KDM5B: variants seen among roughly 807,000 people sequenced by gnomAD.
The protein encoded by KDM5B is lysine-specific demethylase 5B.
KDM5B carries 144 observed loss-of-function variants against 193.4 expected under a neutral mutation model. The ratio of observed to expected loss-of-function variants is 0.74; its 90% CI spans 0.65 to 0.86. The LOEUF (loss-of-function observed/expected upper bound fraction) is 0.86. Among genes scored for constraint, KDM5B ranks in the 40% least tolerant of loss-of-function variants. The pLI, the probability that KDM5B is intolerant of heterozygous loss-of-function variation, is 0.00. For synonymous variants in KDM5B, 668 were observed against 682.6 expected, an observed-to-expected ratio of 0.98 and a Z score of 0.33; for missense variants, 1,833 against 1,886.9, an observed-to-expected ratio of 0.97 and a Z score of 0.53.
intron 1 of KDM5B, among the ~76,000 whole-genome samples, chr1:202,795,752 A>T (rs1208707744): frequency 6.6e-6 from 1 of 152,062 alleles, no homozygotes; most frequent in African/African-American, 2.4e-5. Flanking sequence ...AAACTAGGAA[A>T]TTTAAGTTTA....
chr1:202,773,064 A>G lies in KDM5B; in HGVS notation c.576+54T>C, dbSNP rs1010195639. 6.5e-6 allele frequency: 8 copies of G among 1,224,326 alleles called. No individual in the cohort carries two copies. In the African/African-American group the frequency reaches 7.6e-5, roughly 12 times the overall value. 75.8% of individuals were successfully genotyped at this position (1,224,326 alleles called of 1,614,324 possible). ...GGCTTTTTCATTTCCCTGAAAAGAC[A>G]ATGTACCAATAAGTAGTAAGATAAA... On this transcript the variant is annotated intron_variant, in intron 4 of 26. Coordinates refer to ENST00000367265, the MANE Select transcript of KDM5B (RefSeq NM_006618.5).
rs1307836768 is a variant in KDM5B, at chr1:202,725,864, CAT to C, written c.*3170_*3171del. ...CCGGTATGTGTCATATGGCAAGAAA[CAT>C]AGGCAAGACTGAGCCCAGAAAAACA... On this transcript the variant is annotated 3_prime_UTR_variant, in exon 27 of 27. Transcript: ENST00000367265. 6.6e-6 allele frequency: 1 copy of C among 152,200 alleles called. No individual in the cohort carries two copies. The highest frequency in any genetic ancestry group is 1.5e-5 in the Non-Finnish European group (1 of 68,044). The allele number at this position is 152,200 out of a possible 1,614,324, so 9.4% of individuals were successfully genotyped here.
chr1:202,762,591 TTATTTAAGG>T (rs1656295333), intron 7 of KDM5B, 99 bp downstream of exon 7: 1 of 701,614 alleles, frequency 1.4e-6, no homozygotes, highest in Non-Finnish European at 2.6e-6. Context: ...TTAAACAATC[TTATTTAAGG>T]TACAAATTTA....
At chr1:202,792,904 G>A (rs529291319) in intron 1 of KDM5B, among the ~76,000 whole-genome samples, 1 of 151,934 alleles carries the variant, frequency 6.6e-6, no homozygotes, top group African/African-American at 2.4e-5. Flanking sequence ...GGCTGAGGCA[G>A]GAGAATCGCT....
chr1:202,735,382 T>G (rs1655051712), intron 22 of KDM5B, 47 bp downstream of exon 22: 1 of 1,564,030 alleles, frequency 6.4e-7, no homozygotes, highest in South Asian at 1.2e-5. Context: ...GGTTAGAAAT[T>G]ATTCTTCCCA....
At chr1:202,754,010 A>T (rs1421984449) in intron 11 of KDM5B, among the ~76,000 whole-genome samples, 1 of 152,184 alleles carries the variant, frequency 6.6e-6, no homozygotes, top group Non-Finnish European at 1.5e-5. Context: ...TCACTTCAGG[A>T]TATGTTGTTA....
intron 13 of KDM5B, 117 bp from the exon 14 acceptor site, chr1:202,749,256 T>C (rs1655696801): frequency 2.3e-6 from 2 of 879,200 alleles, no homozygotes; most frequent in South Asian, 3.7e-5. Context: ...ACACGTATCA[T>C]TTACCAACCC....
chr1:202,799,657 C>CAAA (rs35801525), intron 1 of KDM5B, among the ~76,000 whole-genome samples: 1 of 139,108 alleles, frequency 7.2e-6, no homozygotes, highest in Non-Finnish European at 1.5e-5. Context: ...AACTCCATCT[C>CAAA]AAAAAAAAAA....
intron 1 of KDM5B, among the ~76,000 whole-genome samples, chr1:202,801,400 G>C (rs922542713): frequency 2.6e-5 from 4 of 152,114 alleles, no homozygotes; most frequent in African/African-American, 9.7e-5. Flanking sequence ...GGGGGGTAGA[G>C]GACTTAAAAG....
chr1:202,787,105 C>A (rs1019755788), intron 1 of KDM5B, among the ~76,000 whole-genome samples: 4 of 152,136 alleles, frequency 2.6e-5, no homozygotes, highest in Non-Finnish European at 5.9e-5. Context: ...CAGCCTCAAA[C>A]TCCCGGGCTC....
chr1:202,779,879 T>G (rs948715610), intron 1 of KDM5B, among the ~76,000 whole-genome samples: 1 of 151,536 alleles, frequency 6.6e-6, no homozygotes, highest in African/African-American at 2.4e-5. Context: ...AATACATGAA[T>G]GAAATTAACT....
intron 12 of KDM5B, among the ~76,000 whole-genome samples, chr1:202,752,350 G>A (rs1333880970): frequency 6.6e-6 from 1 of 152,172 alleles, no homozygotes; most frequent in Non-Finnish European, 1.5e-5. Flanking sequence ...AAGGTATTCA[G>A]TACAGTAACA....
intron 3 of KDM5B, among the ~76,000 whole-genome samples, chr1:202,774,268 A>G (rs1454058039): frequency 1.3e-5 from 2 of 152,272 alleles, no homozygotes; most frequent in African/African-American, 2.4e-5. Flanking sequence ...TTTTTGAGAC[A>G]GGGTCTCGCT....
chr1:202,729,221 T>C, intron 26 of KDM5B, 48 bp from the exon 27 acceptor site: 1 of 1,609,928 alleles, frequency 6.2e-7, no homozygotes, highest in Non-Finnish European at 8.5e-7. Context: ...AAAAAATGGA[T>C]TCAAAATTGG....
intron 25 of KDM5B, among the ~76,000 whole-genome samples, 194 bp downstream of exon 25, chr1:202,730,715 C>T (rs1303355311): frequency 1.3e-5 from 2 of 152,144 alleles, no homozygotes; most frequent in African/African-American, 2.4e-5. Flanking sequence ...TGGCAGCAGC[C>T]GCAGTATCCT....
In KDM5B at chr1:202,773,432, C is replaced by CAT. The variant is rs1020225473; in HGVS notation, c.406-146_406-145dup. 2.8e-5 allele frequency: 17 copies of CAT among 598,796 alleles called. 1 individual carries two copies. Among genetic ancestry groups the CAT allele is most frequent in the Middle Eastern group, 8.0e-4 (2 of 2,508 alleles). The allele number at this position is 598,796 out of a possible 1,614,324, so 37.1% of individuals were successfully genotyped here. On this transcript the variant is annotated intron_variant, in intron 3 of 26. Transcript: ENST00000367265. ...AATCATATATATATACACACACACACATATATATACACACACACTATTAAT... is the reference window on the plus strand; with the variant it reads ...AATCATATATATATACACACACACACATATATATATACACACACACTATTAAT...
chr1:202,734,628 T>C (rs959577316), intron 22 of KDM5B, among the ~76,000 whole-genome samples: 5 of 152,240 alleles, frequency 3.3e-5, no homozygotes, highest in Non-Finnish European at 5.9e-5. Context: ...AACTTTCAGT[T>C]AGTCTTTATA....
chr1:202,741,903 T>C (rs1192623326), intron 18 of KDM5B, among the ~76,000 whole-genome samples, 181 bp from the exon 19 acceptor site: 1 of 152,022 alleles, frequency 6.6e-6, no homozygotes, highest in Non-Finnish European at 1.5e-5. Context: ...AACAGACACC[T>C]TATCCCAGCT....
rs904095781 is a variant in KDM5B, at chr1:202,725,747, T to C, written c.*3289A>G. Reference sequence around the variant, plus strand: ...TAGTCTGATAATGAATAACCAGCTCTGGCTTAATGCTTTACAATGGGCAAT... The same window carrying C: ...TAGTCTGATAATGAATAACCAGCTCCGGCTTAATGCTTTACAATGGGCAAT... On this transcript the variant is annotated 3_prime_UTR_variant, in exon 27 of 27. Coordinates refer to ENST00000367265, the MANE Select transcript of KDM5B (RefSeq NM_006618.5). 2 of 152,272 alleles carry C rather than the reference T, an allele frequency of 1.3e-5. No individual in the cohort carries two copies. The highest frequency in any genetic ancestry group is 4.8e-5 in the African/African-American group (2 of 41,480). 9.4% of individuals were successfully genotyped at this position (152,272 alleles called of 1,614,324 possible). A position where few individuals can be genotyped will look rare whatever the true frequency, so the allele number is the denominator to read the frequency against.
Sources: gnomAD v4.1 joint callset for allele counts (sites outside exome capture counted in the v4.1 genomes callset) on GRCh38, gnomAD v4.1.1 for gene constraint, MANE v1.5 for transcripts, NCBI Gene and HGNC (gene_info 2026-07-23, HGNC 2026-07-21) for gene names.